MBD5: variants seen among roughly 807,000 people sequenced by gnomAD.
The protein encoded by MBD5 is methyl-CpG-binding domain protein 5.
In MBD5, 13 loss-of-function variants were observed where a neutral mutation model predicts 117.3. That is an observed-to-expected ratio of 0.11 (90% CI 0.07 to 0.18). The LOEUF is 0.18. Among genes scored for constraint, MBD5 ranks in the 10% least tolerant of loss-of-function variants. The pLI, the probability that MBD5 is intolerant of heterozygous loss-of-function variation, is 1.00. For synonymous variants in MBD5, 727 were observed against 766.4 expected (o/e 0.95, Z 0.85); for missense variants, 1,879 against 2,093.8 (o/e 0.90, Z 2.00).
intron 4 of MBD5, among the ~76,000 whole-genome samples, chr2:148,387,778 G>A (rs994238588): frequency 3.9e-5 from 6 of 151,936 alleles, no homozygotes; most frequent in African/African-American, 1.4e-4. Flanking sequence ...TAGCAACAAA[G>A]ATATAAAGTA....
chr2:148,478,002 G>A (rs1280990631), intron 8 of MBD5, among the ~76,000 whole-genome samples: 2 of 152,018 alleles, frequency 1.3e-5, no homozygotes, highest in African/African-American at 4.8e-5. Context: ...ATCCTATCTT[G>A]TACACATCCA....
At chr2:148,383,473 C>A (rs954330424) in intron 4 of MBD5, among the ~76,000 whole-genome samples, 3 of 152,036 alleles carry the variant, frequency 2.0e-5, no homozygotes, top group African/African-American at 7.2e-5. Flanking sequence ...AATACCTTAC[C>A]AACCAAAAGA....
At chr2:148,042,519 C>G (rs6430285) in intron 1 of MBD5, among the ~76,000 whole-genome samples, 55,387 of 151,260 alleles carry the variant, frequency 0.37, 10,324 homozygotes, top group East Asian at 0.52. Flanking sequence ...TCAAAAATAA[C>G]AACAGTTTTT....
At chr2:148,319,615 C>T (rs1262554611) in intron 3 of MBD5, among the ~76,000 whole-genome samples, 1 of 152,126 alleles carries the variant, frequency 6.6e-6, no homozygotes, top group East Asian at 1.9e-4. Flanking sequence ...TATCCTGAAA[C>T]TTTACTGGAT....
intron 1 of MBD5, among the ~76,000 whole-genome samples, chr2:148,115,604 T>G (rs1209398524): frequency 6.6e-6 from 1 of 152,212 alleles, no homozygotes; most frequent in African/African-American, 2.4e-5. Flanking sequence ...GTTTATGTTT[T>G]TTATTGATTA....
intron 1 of MBD5, among the ~76,000 whole-genome samples, chr2:148,124,472 T>C (rs114876021): frequency 1.5e-3 from 221 of 151,486 alleles, no homozygotes; most frequent in Non-Finnish European, 2.2e-3. Flanking sequence ...CAGTTACTCA[T>C]GAGACTGAGG....
Position 148,201,162 on chromosome 2 carries a change from C to T in MBD5, c.-831+22369C>T, listed in dbSNP as rs139697270. ...AGGCCATGCCTGGCTTGCCCCCCAGCATGGATCCCACGGCTCCTGCAACTG... is the reference window on the plus strand; with the variant it reads ...AGGCCATGCCTGGCTTGCCCCCCAGTATGGATCCCACGGCTCCTGCAACTG... On this transcript the variant is annotated intron_variant, in intron 2 of 13. Coordinates refer to ENST00000642680, the MANE Select transcript of MBD5 (RefSeq NM_001378120.1). Among the ~76,000 whole-genome samples, 42 of 152,286 alleles carry T rather than the reference C, an allele frequency of 2.8e-4. No individual in the cohort carries two copies. The East Asian group carries it at 4.7e-3, about 17-fold the overall frequency.
chr2:148,411,744 G>T (rs2103128), intron 4 of MBD5, among the ~76,000 whole-genome samples: 1 of 151,864 alleles, frequency 6.6e-6, no homozygotes, highest in African/African-American at 2.4e-5. Flanking sequence ...CTGGATATTA[G>T]AACTTTTTCA....
At chr2:148,430,726 G>GT (rs1248578456) in intron 4 of MBD5, among the ~76,000 whole-genome samples, 2 of 151,816 alleles carry the variant, frequency 1.3e-5, no homozygotes, top group African/African-American at 4.8e-5. Flanking sequence ...TTATCAATAT[G>GT]TTTTTTAAAA....
chr2:148,470,655 G>T, intron 8 of MBD5, 194 bp downstream of exon 8: 1 of 542,192 alleles, frequency 1.8e-6, no homozygotes, highest in Admixed American at 3.5e-5. Flanking sequence ...ACAGCTAAGA[G>T]GATTTCATGT....
chr2:148,098,729 G>C (rs2105279959), intron 1 of MBD5, among the ~76,000 whole-genome samples: 1 of 152,144 alleles, frequency 6.6e-6, no homozygotes, highest in Middle Eastern at 3.4e-3. Flanking sequence ...AGCCAAGCTT[G>C]AGAACCATTG....
At chr2:148,443,448 T>C (rs541415719) in intron 4 of MBD5, among the ~76,000 whole-genome samples, 21 of 151,406 alleles carry the variant, frequency 1.4e-4, no homozygotes, top group Non-Finnish European at 2.5e-4. Context: ...TCATGTTTAT[T>C]GCAGCACCAT....
At chr2:148,137,814 T>C (rs749134525) in intron 1 of MBD5, among the ~76,000 whole-genome samples, 27 of 152,210 alleles carry the variant, frequency 1.8e-4, no homozygotes, top group Non-Finnish European at 3.7e-4. Flanking sequence ...ACACTTACCA[T>C]TGTGTTAAAA....
At chr2:148,129,848 C>G (rs1244910532) in intron 1 of MBD5, among the ~76,000 whole-genome samples, 1 of 152,030 alleles carries the variant, frequency 6.6e-6, no homozygotes, top group Non-Finnish European at 1.5e-5. Flanking sequence ...GAACATGGGC[C>G]TTTAATTTTT....
chr2:148,224,509 ATTTTTTTTTTT>A (rs34659671), intron 2 of MBD5, among the ~76,000 whole-genome samples: 1 of 58,136 alleles, frequency 1.7e-5, no homozygotes, highest in African/African-American at 8.1e-5. Context: ...CGCCTGGCTA[ATTTTTTTTTTT>A]TTTTTTTTTT....
chr2:148,452,620 T>C (rs1229742539), intron 4 of MBD5, among the ~76,000 whole-genome samples: 1 of 152,234 alleles, frequency 6.6e-6, no homozygotes, highest in African/African-American at 2.4e-5. Context: ...ATTTCATTAA[T>C]TAGCATCCTG....
chr2:148,496,725 C>G (rs1437642864), intron 11 of MBD5, among the ~76,000 whole-genome samples: 1 of 152,154 alleles, frequency 6.6e-6, no homozygotes, highest in Non-Finnish European at 1.5e-5. Flanking sequence ...TAATGTACTT[C>G]CCCAGTGCTT....
rs774081538 is a variant in MBD5 at position 148,510,078 on chromosome 2, C to T, written c.5055C>T (p.Asn1685=). 1 of 1,610,544 alleles carries T rather than the reference C, an allele frequency of 6.2e-7. No individual in the cohort carries two copies. Among genetic ancestry groups the T allele is most frequent in the Non-Finnish European group, 8.5e-7 (1 of 1,177,016 alleles). The change falls in exon 13 of 14, where the codon AAC becomes AAT. Residue 1685 remains asparagine (N), a synonymous_variant. Transcript: ENST00000642680. ...ATTCCAGAAGTGGAAAGCTAAATAA[C>T]CATTTAGAAGCTGCTATTCATGAGG... ...KRNRKSGKLN[N]HLEAAIHEAM... is the part of the protein sequence containing the mutation.
chr2:148,294,509 T>TTTTTTTTTTTTTTTTTTTTTTTTGTTTG (rs1701598302), intron 3 of MBD5, among the ~76,000 whole-genome samples: 1 of 129,984 alleles, frequency 7.7e-6, no homozygotes, highest in Non-Finnish European at 1.6e-5. Flanking sequence ...CAGTTTTTTT[T>TTTTTTTTTTTTTTTTTTTTTTTTGTTTG]TTTTTTTTTT....
Sources: allele counts gnomAD v4.1 joint callset (sites outside exome capture counted in the v4.1 genomes callset), GRCh38; gene constraint gnomAD v4.1.1; transcripts MANE v1.5; gene names NCBI Gene and HGNC (gene_info 2026-07-23, HGNC 2026-07-21).